The following DSC2 variants were observed in gnomAD, a reference collection of about 807,000 sequenced individuals.
DSC2 encodes the protein desmocollin 2.
A neutral mutation model predicts 87.6 loss-of-function variants in DSC2; 51 were observed. That is an observed-to-expected ratio of 0.58 (90% CI 0.46 to 0.74). The LOEUF is 0.74. DSC2 is among the 30% of genes least tolerant of loss of function. The probability of loss-of-function intolerance (pLI) is 0.00; values close to 1 mark genes in which losing one functional copy is unlikely to be tolerated. For synonymous variants in DSC2, 383 were observed against 393.2 expected, an observed-to-expected ratio of 0.97 and a Z score of 0.31; for missense variants, 1,066 against 1,089.5, an observed-to-expected ratio of 0.98 and a Z score of 0.30.
At chr18:31,095,077 A>T (rs909042609) in intron 1 of DSC2, among the ~76,000 whole-genome samples, 1 of 152,382 alleles carries the variant, frequency 6.6e-6, no homozygotes, top group East Asian at 1.9e-4. Context: ...CATAATGCCA[A>T]GGCAGCGAGA....
intron 1 of DSC2, among the ~76,000 whole-genome samples, chr18:31,097,193 G>C (rs755034960): frequency 6.6e-5 from 10 of 151,500 alleles, no homozygotes; most frequent in East Asian, 1.9e-4. Flanking sequence ...GAGGCTGAGG[G>C]AGGAGAATGG....
At position 31,060,056 on chromosome 18, in the gene DSC2, CTGTG is replaced by C. The variant is rs1369207142; in HGVS notation, c.*7955_*7958del. 1.3e-5 allele frequency: 2 copies of C among 152,264 alleles called. No individual in the cohort carries two copies. The highest frequency in any genetic ancestry group is 3.9e-4 in the East Asian group (2 of 5,180). 9.4% of individuals were successfully genotyped at this position (152,264 alleles called of 1,614,324 possible). A position where few individuals can be genotyped will look rare whatever the true frequency, so the allele number is the denominator to read the frequency against. On this transcript the variant is annotated 3_prime_UTR_variant, in exon 16 of 16. Transcript: ENST00000280904. ...ATCCACGTCTTTCTGACTGCGAAGT[CTGTG>C]TGTGATCATTGTTTCCATTGTCCTC...
Position 31,101,943 on chromosome 18 carries a change from C to T in DSC2, c.29G>A (p.Trp10Ter). 6.5e-7 allele frequency: 1 copy of T among 1,528,890 alleles called. No homozygotes were observed. The highest frequency in any genetic ancestry group is 8.7e-7 in the Non-Finnish European group (1 of 1,143,380). 94.7% of individuals were successfully genotyped at this position (1,528,890 alleles called of 1,614,324 possible). MEAARPSGS[W>*]NGALCRLLLL... ...GAGCAGCCGGCAGAGGGCTCCGTTC[C>T]AGGAGCCGGAGGGGCGGGCTGCCTC... The change falls in exon 1 of 16, where the codon TGG becomes TAG. Residue 10 changes from tryptophan to a stop codon, truncating the protein, a stop_gained. Coordinates refer to ENST00000280904, the MANE Select transcript of DSC2 (RefSeq NM_024422.6). LOFTEE classifies it high-confidence loss of function.
intron 4 of DSC2, 89 bp downstream of exon 4, chr18:31,090,939 C>T: frequency 1.3e-6 from 2 of 1,555,230 alleles, no homozygotes; most frequent in Non-Finnish European, 1.8e-6. Flanking sequence ...TATTTATACA[C>T]AACTATTACA....
chr18:31,061,537 C>T lies in DSC2; in HGVS notation c.*6478G>A, dbSNP rs1986501416. ...AGAAGAATATGCTCCAAATCCATGA[C>T]ACAGTAAAATTCCTCTATAAAACAA... On this transcript the variant is annotated 3_prime_UTR_variant, in exon 16 of 16. Transcript: ENST00000280904. 6.6e-6 allele frequency: 1 copy of T among 152,150 alleles called. No individual in the cohort carries two copies. The highest frequency in any genetic ancestry group is 2.1e-4 in the South Asian group (1 of 4,830). The allele number at this position is 152,150 out of a possible 1,614,324, so 9.4% of individuals were successfully genotyped here. A position where few individuals can be genotyped will look rare whatever the true frequency, so the allele number is the denominator to read the frequency against.
rs757814061 is a variant in DSC2 at position 31,087,661 on chromosome 18, G to T, written c.775+8C>A. On this transcript the variant is annotated splice_region_variant and intron_variant, in intron 6 of 15. Coordinates refer to ENST00000280904, the MANE Select transcript of DSC2 (RefSeq NM_024422.6). ...AATTTGCCATATATTGTTTAAGGAG[G>T]TACTCACCCACTCTGCAATTTTCAA... 16 of 1,610,294 alleles carry T rather than the reference G, an allele frequency of 9.9e-6. No individual in the cohort carries two copies. Among genetic ancestry groups the T allele is most frequent in the Middle Eastern group, 2.0e-4 (1 of 4,940 alleles).
At chr18:31,080,069 T>C in intron 10 of DSC2, 27 bp downstream of exon 10, 1 of 1,613,452 alleles carries the variant, frequency 6.2e-7, no homozygotes, top group Non-Finnish European at 8.5e-7. Context: ...GCTATATATT[T>C]TAAAACTAAA....
rs1425159139 is a variant in DSC2, at chr18:31,060,889, T to C, written c.*7126A>G. On this transcript the variant is annotated 3_prime_UTR_variant, in exon 16 of 16. Coordinates refer to ENST00000280904, the MANE Select transcript of DSC2 (RefSeq NM_024422.6). Reference sequence around the variant, plus strand: ...ATTTTACTCATCAATGTGTTTCAACTCTTTGGTACATTTCTAGCATTTTGC... The same window carrying C: ...ATTTTACTCATCAATGTGTTTCAACCCTTTGGTACATTTCTAGCATTTTGC... 1 of 152,238 alleles carries C rather than the reference T, an allele frequency of 6.6e-6. No individual in the cohort carries two copies. Among genetic ancestry groups the C allele is most frequent in the Non-Finnish European group, 1.5e-5 (1 of 68,042 alleles). The allele number at this position is 152,238 out of a possible 1,614,324, so 9.4% of individuals were successfully genotyped here. A position where few individuals can be genotyped will look rare whatever the true frequency, so the allele number is the denominator to read the frequency against.
intron 1 of DSC2, chr18:31,101,515 G>GCCCCGGCGCACTCCC (rs2144871976): frequency 5.4e-6 from 1 of 185,880 alleles, no homozygotes; most frequent in Non-Finnish European, 1.1e-5. Context: ...CCAGCTGGAC[G>GCCCCGGCGCACTCCC]GCCCCGGCGC....
At chr18:31,069,630 G>A (rs1043983493) in intron 14 of DSC2, among the ~76,000 whole-genome samples, 2 of 151,206 alleles carry the variant, frequency 1.3e-5, no homozygotes, top group Admixed American at 6.6e-5. Flanking sequence ...CACAGGAATC[G>A]CTTGAACCTG....
At chr18:31,085,391 G>T (rs1987362812) in intron 7 of DSC2, among the ~76,000 whole-genome samples, 2 of 151,662 alleles carry the variant, frequency 1.3e-5, no homozygotes, top group South Asian at 2.1e-4. Flanking sequence ...AGTACAAAAA[G>T]AAGAAAAAGT....
intron 12 of DSC2, among the ~76,000 whole-genome samples, chr18:31,073,377 A>ACACG (rs1567973827): frequency 1.6e-5 from 1 of 62,948 alleles, no homozygotes; most frequent in African/African-American, 8.6e-5. Context: ...ACACACGCAC[A>ACACG]CACACACACA....
At chr18:31,101,365 C>G (rs1987943125) in intron 1 of DSC2, 1 of 768,464 alleles carries the variant, frequency 1.3e-6, no homozygotes, top group Non-Finnish European at 1.6e-6. Context: ...ACTCGCTCTC[C>G]GTCCCGGCCG....
rs113126164 is a variant in DSC2 at position 31,071,954 on chromosome 18, G to A, written c.1889-113C>T. 602 of 950,522 alleles carry A rather than the reference G, an allele frequency of 6.3e-4. 2 individuals are homozygous for A. In the African/African-American group the frequency reaches 9.0e-3, roughly 14 times the overall value. The allele number at this position is 950,522 out of a possible 1,614,324, so 58.9% of individuals were successfully genotyped here. A position where few individuals can be genotyped will look rare whatever the true frequency, so the allele number is the denominator to read the frequency against. The stretch of plus-strand genomic sequence containing the variant: ...TTTCCTAGAAACAGATATTCCTGAT[G>A]GGATGGCATAGCTGCTAGAAGATTC... On this transcript the variant is annotated intron_variant, in intron 12 of 15. Transcript: ENST00000280904.
rs1252940464 is a variant in DSC2 at position 31,062,708 on chromosome 18, GT to G, written c.*5306del. ...GGCAATTATTGGTGGCTACAAGTAG[GT>G]TCGTGCAATTATTGGTGGTAGGATT... On this transcript the variant is annotated 3_prime_UTR_variant, in exon 16 of 16. Transcript: ENST00000280904. 6.6e-6 allele frequency: 1 copy of G among 152,154 alleles called. No homozygotes were observed. Among genetic ancestry groups the G allele is most frequent in the Non-Finnish European group, 1.5e-5 (1 of 68,046 alleles). 9.4% of individuals were successfully genotyped at this position (152,154 alleles called of 1,614,324 possible).
At chr18:31,101,840 G>C (rs1298019777) in intron 1 of DSC2, 63 bp downstream of exon 1, 2 of 1,435,956 alleles carry the variant, frequency 1.4e-6, no homozygotes, top group East Asian at 2.8e-5. Context: ...CGTTCCCCTA[G>C]TTTTCCTCTG....
Position 31,083,057 on chromosome 18 carries a change from T to A in DSC2, c.946A>T (p.Ile316Phe), listed in dbSNP as rs1233598092. 6.2e-7 allele frequency: 1 copy of A among 1,611,204 alleles called. No homozygotes were observed. The highest frequency in any genetic ancestry group is 1.7e-5 in the Admixed American group (1 of 59,932). The change falls in exon 8 of 16, where the codon ATT (isoleucine) becomes TTT (phenylalanine). Residue 316 changes from isoleucine to phenylalanine, a missense_variant. Transcript: ENST00000280904. Reference sequence around the variant, plus strand: ...TTTATTTTCAACTGGTACTTGTCAATTAACTGAAAACAAAAAAAGAATTTA... The same window carrying A: ...TTTATTTTCAACTGGTACTTGTCAAATAACTGAAAACAAAAAAAGAATTTA... ...TTSSQLDRELIDKYQLKIKVQ... is the reference protein window; with the variant it reads ...TTSSQLDRELFDKYQLKIKVQ...
In DSC2 at chr18:31,091,123, C is replaced by A; in HGVS notation, c.379G>T (p.Glu127Ter). 2 of 1,613,926 alleles carry A rather than the reference C, an allele frequency of 1.2e-6. No individual in the cohort carries two copies. Among genetic ancestry groups the A allele is most frequent in the Non-Finnish European group, 1.7e-6 (2 of 1,179,896 alleles). The change falls in exon 4 of 16, where the codon GAA (glutamate) becomes TAA (stop). Residue 127 changes from glutamate to a stop codon, truncating the protein, a stop_gained. Transcript: ENST00000280904. LOFTEE classifies it high-confidence loss of function. ...TKVLKKRHTK[E>*]KVLRRAKRRW... ...CTCTTGGCGCGCCTTAGAACTTTTT[C>A]TTTAGTATGTCTTTTCTTTAGGACC...
At chr18:31,080,557 G>A (rs1340317065) in intron 9 of DSC2, among the ~76,000 whole-genome samples, 5 of 152,180 alleles carry the variant, frequency 3.3e-5, no homozygotes, top group Non-Finnish European at 1.5e-5. Flanking sequence ...CAATGTTGGG[G>A]GAGGGACCTG....
Sources: gnomAD v4.1 joint callset for allele counts (sites outside exome capture counted in the v4.1 genomes callset) on GRCh38, gnomAD v4.1.1 for gene constraint, MANE v1.5 for transcripts, NCBI Gene and HGNC (gene_info 2026-07-23, HGNC 2026-07-21) for gene names.